The following LAPTM4B variants were observed in gnomAD, a reference collection of about 807,000 sequenced individuals.
The protein encoded by LAPTM4B is lysosomal protein transmembrane 4 beta, also known as lysosomal-associated transmembrane protein 4B.
A neutral mutation model predicts 28.5 loss-of-function variants in LAPTM4B; 26 were observed. The ratio of observed to expected loss-of-function variants is 0.91; its 90% CI spans 0.67 to 1.27. The LOEUF (loss-of-function observed/expected upper bound fraction) is 1.27, where lower values mean the gene tolerates loss of function less well. Among genes scored for constraint, LAPTM4B ranks in the 50% most tolerant of loss-of-function variants. LAPTM4B has a pLI of 0.00. For synonymous variants in LAPTM4B, 109 were observed against 106.4 expected (o/e 1.02, Z -0.15); for missense variants, 288 against 285.8 (o/e 1.01, Z -0.06).
chr8:97,808,496 T>G (rs1225731034), intron 2 of LAPTM4B, among the ~76,000 whole-genome samples: 1 of 152,044 alleles, frequency 6.6e-6, no homozygotes, highest in Non-Finnish European at 1.5e-5. Flanking sequence ...ACTAATCCTG[T>G]CCACACATGA....
intron 6 of LAPTM4B, among the ~76,000 whole-genome samples, chr8:97,838,217 A>G (rs185403683): frequency 3.4e-4 from 52 of 152,262 alleles, no homozygotes; most frequent in African/African-American, 1.3e-3. Flanking sequence ...ATATACAATC[A>G]CACACTTGCA....
At chr8:97,844,621 A>G (rs537460947) in intron 6 of LAPTM4B, among the ~76,000 whole-genome samples, 1 of 152,280 alleles carries the variant, frequency 6.6e-6, no homozygotes, top group South Asian at 2.1e-4. Context: ...TGTCAGCTCC[A>G]AGGCAATGAC....
At chr8:97,783,814 CA>C (rs1816361189) in intron 1 of LAPTM4B, among the ~76,000 whole-genome samples, 1 of 152,198 alleles carries the variant, frequency 6.6e-6, no homozygotes, top group African/African-American at 2.4e-5. Flanking sequence ...TTCAGAAAGA[CA>C]TTAAAACTTA....
chr8:97,792,182 A>C (rs1301560911), intron 1 of LAPTM4B, among the ~76,000 whole-genome samples: 1 of 152,136 alleles, frequency 6.6e-6, no homozygotes, highest in African/African-American at 2.4e-5. Flanking sequence ...ATTATAGTCC[A>C]ACTCCAAGGA....
At chr8:97,838,625 C>G (rs1346454976) in intron 6 of LAPTM4B, among the ~76,000 whole-genome samples, 1 of 152,196 alleles carries the variant, frequency 6.6e-6, no homozygotes, top group African/African-American at 2.4e-5. Context: ...TGTTCTGACC[C>G]ACTCACCTCC....
chr8:97,837,587 A>G (rs368933470), intron 6 of LAPTM4B, among the ~76,000 whole-genome samples: 1 of 152,320 alleles, frequency 6.6e-6, no homozygotes, highest in East Asian at 1.9e-4. Context: ...TAACTTTCCA[A>G]AATGGTTTGA....
intron 1 of LAPTM4B, among the ~76,000 whole-genome samples, chr8:97,792,081 C>A (rs1816506117): frequency 6.6e-6 from 1 of 152,064 alleles, no homozygotes; most frequent in South Asian, 2.1e-4. Flanking sequence ...ATACAACATC[C>A]ATTTTACTCC....
In LAPTM4B at chr8:97,816,081, A is replaced by T. The variant is rs115844849; in HGVS notation, c.309A>T (p.Pro103=). ...AGCAACGCGCAGCCTGGATCATCCCATTCTTCTGTTACCAGATCTTTGACT... is the reference window on the plus strand; with the variant it reads ...AGCAACGCGCAGCCTGGATCATCCCTTTCTTCTGTTACCAGATCTTTGACT... The part of the protein sequence containing the change: ...AYKQRAAWII[P]FFCYQIFDFA... The change falls in exon 4 of 7, where the codon CCA becomes CCT. Residue 103 remains proline, a synonymous_variant. Coordinates refer to ENST00000521545, the MANE Select transcript of LAPTM4B (RefSeq NM_018407.6). 1.2e-6 allele frequency: 2 copies of T among 1,613,438 alleles called. No individual in the cohort carries two copies. Among genetic ancestry groups the T allele is most frequent in the African/African-American group, 2.7e-5 (2 of 75,044 alleles).
chr8:97,823,664 C>T (rs1032952393), intron 5 of LAPTM4B, among the ~76,000 whole-genome samples: 5 of 148,832 alleles, frequency 3.4e-5, no homozygotes, highest in Non-Finnish European at 4.4e-5. Flanking sequence ...TGTGAGCCAT[C>T]GTGCCCAGTC....
intron 6 of LAPTM4B, among the ~76,000 whole-genome samples, chr8:97,839,172 A>G (rs1817307957): frequency 6.6e-6 from 1 of 152,012 alleles, no homozygotes; most frequent in South Asian, 2.1e-4. Context: ...TCTGCATAAT[A>G]TTCTTCCAAC....
intron 1 of LAPTM4B, among the ~76,000 whole-genome samples, chr8:97,779,451 C>G (rs1816275240): frequency 6.6e-6 from 1 of 151,844 alleles, no homozygotes; most frequent in Non-Finnish European, 1.5e-5. Flanking sequence ...TGCCACTGCA[C>G]TCTAGCCTGG....
At position 97,842,758 on chromosome 8, in the gene LAPTM4B, C is replaced by G. The variant is rs143417242; in HGVS notation, c.604-8639C>G. 5.0e-3 allele frequency among the ~76,000 whole-genome samples: 755 copies of G among 152,172 alleles called. 9 individuals carry two copies. Among genetic ancestry groups the G allele is most frequent in the African/African-American group, 0.018 (727 of 41,512 alleles). ...GGTTTCTAACTCCTGACCTTGTGAT[C>G]TGCCCGCCTCAGCCTCCCAAAGTGC... On this transcript the variant is annotated intron_variant, in intron 6 of 6. Transcript: ENST00000521545.
intron 1 of LAPTM4B, among the ~76,000 whole-genome samples, chr8:97,804,972 T>C (rs899921613): frequency 3.3e-5 from 5 of 152,212 alleles, no homozygotes; most frequent in Admixed American, 2.0e-4. Context: ...TTGGGTTGCT[T>C]ACCTTTAGCT....
intron 1 of LAPTM4B, among the ~76,000 whole-genome samples, chr8:97,802,084 G>T (rs192951892): frequency 6.6e-6 from 1 of 152,302 alleles, no homozygotes; most frequent in Admixed American, 6.5e-5. Flanking sequence ...AATAATTACT[G>T]TGGAGATGTC....
chr8:97,823,063 T>G (rs1027143119), intron 5 of LAPTM4B, among the ~76,000 whole-genome samples: 7 of 152,164 alleles, frequency 4.6e-5, no homozygotes, highest in Middle Eastern at 3.4e-3. Flanking sequence ...GGGTGGTCTC[T>G]ATCTCCTGAC....
chr8:97,808,109 C>T (rs1816781107), intron 2 of LAPTM4B, among the ~76,000 whole-genome samples: 1 of 151,790 alleles, frequency 6.6e-6, no homozygotes, highest in African/African-American at 2.4e-5. Flanking sequence ...GCATGAGCCA[C>T]CACAACTGGC....
At position 97,820,314 on chromosome 8, in the gene LAPTM4B, T is replaced by C. The variant is rs527783354; in HGVS notation, c.507+1076T>C. 1.0e-3 allele frequency among the ~76,000 whole-genome samples: 154 copies of C among 149,460 alleles called. 1 individual carries two copies. The highest frequency in any genetic ancestry group is 3.6e-3 in the African/African-American group (149 of 41,054). On this transcript the variant is annotated intron_variant, in intron 5 of 6. Transcript: ENST00000521545. ...TATTTTTCTTTCTTTCTTTTTTTTT[T>C]TTTTTTGAGGTAGGGTCTCTCCCTG... is the stretch of plus-strand genomic sequence containing the variant.
chr8:97,828,770 A>T (rs774365629), intron 6 of LAPTM4B, among the ~76,000 whole-genome samples: 3 of 152,182 alleles, frequency 2.0e-5, no homozygotes, highest in Non-Finnish European at 4.4e-5. Context: ...CGGAGAAGTC[A>T]TTGGAGAGAC....
intron 5 of LAPTM4B, among the ~76,000 whole-genome samples, chr8:97,824,300 T>A (rs777902149): frequency 2.0e-5 from 3 of 152,196 alleles, no homozygotes; most frequent in Admixed American, 6.5e-5. Context: ...TACATTCTCA[T>A]AAGCAACGTA....
Sources: gnomAD v4.1 joint callset for allele counts (sites outside exome capture counted in the v4.1 genomes callset) on GRCh38, gnomAD v4.1.1 for gene constraint, MANE v1.5 for transcripts, NCBI Gene and HGNC (gene_info 2026-07-23, HGNC 2026-07-21) for gene names.